TADA2A: variants seen among roughly 807,000 people sequenced by gnomAD.
TADA2A encodes transcriptional adaptor 2A.
Under a neutral mutation model 67.4 loss-of-function variants are expected in TADA2A, and 38 were observed. The observed-to-expected ratio is 0.56, with a 90% CI of 0.44 to 0.74. TADA2A has a LOEUF of 0.74. Among genes scored for constraint, TADA2A ranks in the 30% least tolerant of loss-of-function variants. The probability of loss-of-function intolerance (pLI) is 0.00; values close to 1 mark genes in which losing one functional copy is unlikely to be tolerated. For synonymous variants in TADA2A, 192 were observed against 181.6 expected (o/e 1.06, Z -0.46); for missense variants, 454 against 547.0 (o/e 0.83, Z 1.70).
intron 2 of TADA2A, among the ~76,000 whole-genome samples, chr17:37,417,674 A>G (rs1378307575): frequency 6.6e-6 from 1 of 151,832 alleles, no homozygotes; most frequent in Admixed American, 6.6e-5. Flanking sequence ...AGCTAGGACT[A>G]CAGGTGTGCG....
At chr17:37,464,515 G>A (rs1485089161) in intron 10 of TADA2A, among the ~76,000 whole-genome samples, 1 of 152,082 alleles carries the variant, frequency 6.6e-6, no homozygotes, top group Non-Finnish European at 1.5e-5. Context: ...GTCCATTACT[G>A]CCAGCAGTTC....
At chr17:37,424,512 A>G (rs1364151224) in intron 3 of TADA2A, among the ~76,000 whole-genome samples, 1 of 151,052 alleles carries the variant, frequency 6.6e-6, no homozygotes, top group East Asian at 1.9e-4. Context: ...AAGACTCTGT[A>G]TCAAAAAACA....
chr17:37,445,166 C>T (rs1456803785), intron 8 of TADA2A, among the ~76,000 whole-genome samples: 2 of 152,152 alleles, frequency 1.3e-5, no homozygotes, highest in African/African-American at 4.8e-5. Flanking sequence ...GGAATTTCCC[C>T]TAGCAAGGAA....
chr17:37,439,945 A>AT (rs3987837), intron 5 of TADA2A, among the ~76,000 whole-genome samples: 75 of 94,892 alleles, frequency 7.9e-4, no homozygotes, highest in Non-Finnish European at 1.3e-3. Context: ...TTTATTTATT[A>AT]TTTTTTTTTT....
At chr17:37,448,883 G>A (rs2147991093) in intron 8 of TADA2A, among the ~76,000 whole-genome samples, 1 of 152,160 alleles carries the variant, frequency 6.6e-6, no homozygotes. Flanking sequence ...ACCTTTCACT[G>A]TATTTTTCAA....
intron 2 of TADA2A, among the ~76,000 whole-genome samples, chr17:37,418,710 GC>G (rs35099555): frequency 0.48 from 72,677 of 151,040 alleles, 18,253 homozygotes; most frequent in East Asian, 0.79. Context: ...TCCTGCCTCA[GC>G]CTCCTGAGTA....
intron 2 of TADA2A, among the ~76,000 whole-genome samples, chr17:37,423,235 A>G (rs2052299666): frequency 6.6e-6 from 1 of 152,212 alleles, no homozygotes; most frequent in Non-Finnish European, 1.5e-5. Flanking sequence ...TGTCTCTAAA[A>G]ATATATAAAT....
chr17:37,429,813 C>T, intron 4 of TADA2A, among the ~76,000 whole-genome samples: 1 of 151,638 alleles, frequency 6.6e-6, no homozygotes, highest in South Asian at 2.1e-4. Context: ...CTCTATCCAT[C>T]TCTAAACAAT....
chr17:37,440,679 C>A lies in TADA2A; in HGVS notation c.442+17C>A. 6.2e-7 allele frequency: 1 copy of A among 1,613,884 alleles called. No individual in the cohort carries two copies. The highest frequency in any genetic ancestry group is 1.1e-5 in the South Asian group (1 of 91,026). On this transcript the variant is annotated intron_variant, in intron 6 of 15. Transcript: ENST00000615182. ...CATTTCACTGTAAGTGCCTCCCTAT[C>A]TTGATAAGATATACTTAGCTCATCC... is the stretch of plus-strand genomic sequence containing the variant.
At chr17:37,440,443 A>G (rs1377693047) in intron 5 of TADA2A, 62 bp from the exon 6 acceptor site, 2 of 1,562,054 alleles carry the variant, frequency 1.3e-6, no homozygotes, top group East Asian at 2.3e-5. Flanking sequence ...AGAGCAAATG[A>G]TGCTTTTAGT....
intron 13 of TADA2A, 120 bp from the exon 14 acceptor site, chr17:37,470,974 C>G: frequency 3.3e-6 from 3 of 921,090 alleles, no homozygotes; most frequent in Non-Finnish European, 5.4e-6. Flanking sequence ...ATAGTTCAGT[C>G]TATCTCATTA....
chr17:37,465,097 G>A (rs959489918), intron 10 of TADA2A, among the ~76,000 whole-genome samples: 6 of 151,220 alleles, frequency 4.0e-5, no homozygotes, highest in Admixed American at 4.0e-4. Flanking sequence ...GCAGTGCGCC[G>A]AGATCACCCC....
chr17:37,439,942 AT>A lies in TADA2A; in HGVS notation c.285-561del, dbSNP rs754953268. 9.6e-4 allele frequency among the ~76,000 whole-genome samples: 56 copies of A among 58,468 alleles called. 1 individual carries two copies. Among genetic ancestry groups the A allele is most frequent in the African/African-American group, 2.4e-3 (54 of 22,130 alleles). 38.4% of individuals were successfully genotyped at this position (58,468 alleles called of 152,430 possible). On this transcript the variant is annotated intron_variant, in intron 5 of 15. Transcript: ENST00000615182. The stretch of plus-strand genomic sequence containing the variant: ...TATTTATTTATTTATTTATTTATTT[AT>A]TATTTTTTTTTTTTTTTGAGATGGA...
At chr17:37,411,221 C>T in intron 1 of TADA2A, 48 bp from the exon 2 acceptor site, 1 of 731,802 alleles carries the variant, frequency 1.4e-6, no homozygotes, top group Non-Finnish European at 2.5e-6. Flanking sequence ...TTTATCTTGT[C>T]CCTTTGAATG....
chr17:37,455,492 C>A (rs1466386488), intron 8 of TADA2A, among the ~76,000 whole-genome samples: 1 of 152,034 alleles, frequency 6.6e-6, no homozygotes, highest in East Asian at 1.9e-4. Flanking sequence ...GGCCATTCTG[C>A]TGCCTCAGCC....
At chr17:37,429,523 C>A (rs1263919026) in intron 4 of TADA2A, among the ~76,000 whole-genome samples, 1 of 151,982 alleles carries the variant, frequency 6.6e-6, no homozygotes. Context: ...TTCAAGTTAT[C>A]CTTCCACCTA....
intron 5 of TADA2A, chr17:37,438,201 CTT>C: frequency 6.0e-6 from 1 of 167,228 alleles, no homozygotes; most frequent in African/African-American, 2.4e-5. Context: ...GTGAATCAGA[CTT>C]TAGCTAGATG....
intron 8 of TADA2A, among the ~76,000 whole-genome samples, chr17:37,453,816 G>T (rs1338558207): frequency 7.2e-6 from 1 of 137,984 alleles, no homozygotes; most frequent in African/African-American, 2.8e-5. Flanking sequence ...TGTTGCCCAG[G>T]CTGGAGTGCA....
rs1440661269 is a variant in TADA2A, at chr17:37,421,064, T to TA, written c.26-2444dup. Among the ~76,000 whole-genome samples, 3 of 146,620 alleles carry TA rather than the reference T, an allele frequency of 2.0e-5. 1 individual carries two copies. The highest frequency in any genetic ancestry group is 2.5e-5 in the African/African-American group (1 of 40,452). On this transcript the variant is annotated intron_variant, in intron 2 of 15. Coordinates refer to ENST00000615182, the MANE Select transcript of TADA2A (RefSeq NM_001166105.3). ...TAGAAGATCTGCTGTGTTATGTACT[T>TA]ACCATGGGAGAAAGGGAGGAAGCTT...
Sources: allele counts gnomAD v4.1 joint callset (sites outside exome capture counted in the v4.1 genomes callset), GRCh38; gene constraint gnomAD v4.1.1; transcripts MANE v1.5; gene names NCBI Gene and HGNC (gene_info 2026-07-23, HGNC 2026-07-21).